Variants in ASXL2 observed in about 807,000 individuals in gnomAD.
ASXL2 encodes the protein putative Polycomb group protein ASXL2.
A neutral mutation model predicts 122.0 loss-of-function variants in ASXL2; 23 were observed. The ratio of observed to expected loss-of-function variants is 0.19; its 90% CI spans 0.14 to 0.27. ASXL2 has a LOEUF of 0.27. Ranked by LOEUF, ASXL2 falls within the 10% of genes least tolerant of loss-of-function variation. The pLI is 1.00. For missense variants in ASXL2, 1,518 were observed against 1,713.8 expected (o/e 0.89, Z 2.02); for synonymous variants, 650 against 637.0 (o/e 1.02, Z -0.31).
chr2:25,843,701 C>T (rs13422139), intron 2 of ASXL2, among the ~76,000 whole-genome samples: 1 of 150,992 alleles, frequency 6.6e-6, no homozygotes, highest in Admixed American at 6.6e-5. Flanking sequence ...CTTCAGGAGG[C>T]AGAGATGAGA....
rs1009212266 is a variant in ASXL2 at position 25,744,534 on chromosome 2, C to T, written c.1861-58G>A. The stretch of plus-strand genomic sequence containing the variant: ...GCTTAGTTTTCATTTGTAAGAATAA[C>T]AAAACTTCATTAGCCCTCACATTTT... On this transcript the variant is annotated intron_variant, in intron 12 of 12. Transcript: ENST00000435504. The surrounding 1 kb of genome is among the most constrained non-coding windows in gnomAD (Gnocchi z 4.7). 2.4e-5 allele frequency: 37 copies of T among 1,513,052 alleles called. 1 individual carries two copies. The Admixed American group carries it at 7.9e-4, about 32-fold the overall frequency. 93.7% of individuals were successfully genotyped at this position (1,513,052 alleles called of 1,614,324 possible). A position where few individuals can be genotyped will look rare whatever the true frequency, so the allele number is the denominator to read the frequency against.
intron 1 of ASXL2, among the ~76,000 whole-genome samples, chr2:25,869,626 A>G (rs1427535653): frequency 1.5e-4 from 23 of 152,012 alleles, no homozygotes. Flanking sequence ...GTTCGAGACC[A>G]GCCTGACCAA....
chr2:25,859,200 C>A lies in ASXL2; in HGVS notation c.58-13637G>T, dbSNP rs2089817878. ...AAGTTGATTCTCCTAACCTAGCCTC[C>A]CAAGTAGCTGGGACTGCAGGCACAC... On this transcript the variant is annotated intron_variant, in intron 1 of 12. Coordinates refer to ENST00000435504, the MANE Select transcript of ASXL2 (RefSeq NM_018263.6). Among the ~76,000 whole-genome samples, 8 of 152,128 alleles carry A rather than the reference C, an allele frequency of 5.3e-5. No individual in the cohort carries two copies. The South Asian group carries it at 1.7e-3, about 32-fold the overall frequency.
At chr2:25,758,680 G>GTT (rs369670596) in intron 9 of ASXL2, among the ~76,000 whole-genome samples, 6,182 of 133,854 alleles carry the variant, frequency 0.046, 156 homozygotes, top group Middle Eastern at 0.1. Flanking sequence ...TGCTACTTTT[G>GTT]TTTTTTTTTT....
chr2:25,791,745 T>G (rs114479084), intron 5 of ASXL2, among the ~76,000 whole-genome samples: 1 of 152,294 alleles, frequency 6.6e-6, no homozygotes, highest in East Asian at 1.9e-4. Context: ...AGAACTTTTA[T>G]AGCTAATACT....
rs80157668 is a variant in ASXL2 at position 25,746,279 on chromosome 2, C to T, written c.1861-1803G>A. Among the ~76,000 whole-genome samples, 18 of 152,116 alleles carry T rather than the reference C, an allele frequency of 1.2e-4. No homozygotes were observed. The East Asian group carries it at 2.7e-3, about 23-fold the overall frequency. On this transcript the variant is annotated intron_variant, in intron 12 of 12. Coordinates refer to ENST00000435504, the MANE Select transcript of ASXL2 (RefSeq NM_018263.6). ...TCCTCAAAAACTGATTCTCTAATTC[C>T]GAAGTTAGAGCCATGGGACTTCATA...
At chr2:25,746,507 A>G (rs1400403687) in intron 12 of ASXL2, among the ~76,000 whole-genome samples, 3 of 15,556 alleles carry the variant, frequency 1.9e-4, no homozygotes, top group African/African-American at 5.2e-4. Context: ...GGAAAAAATG[A>G]AAAAAAAAAA....
chr2:25,742,756 G>A lies in ASXL2; in HGVS notation c.3581C>T (p.Thr1194Ile). The change falls in exon 13 of 13, where the codon ACA becomes ATA. Residue 1194 changes from threonine to isoleucine, a missense_variant. Around this residue, in one of 8 missense-constraint regions of ASXL2, gnomAD observed 831 missense variants for 833.1 expected, o/e 1.00. Transcript: ENST00000435504. The part of the protein sequence containing the change: ...ESTGDEQESV[T>I]VKEEPQVSQS... Reference sequence around the variant, plus strand: ...GGAAACCTGGGGCTCCTCTTTCACTGTGACAGATTCCTGCTCATCACCAGT... The same window carrying A: ...GGAAACCTGGGGCTCCTCTTTCACTATGACAGATTCCTGCTCATCACCAGT... The A allele has an allele frequency of 5.0e-6, 8 of 1,613,962 alleles. No individual in the cohort carries two copies. The highest frequency in any genetic ancestry group is 6.8e-6 in the Non-Finnish European group (8 of 1,179,890).
intron 4 of ASXL2, among the ~76,000 whole-genome samples, chr2:25,802,450 A>G (rs2089014840): frequency 6.6e-6 from 1 of 152,158 alleles, no homozygotes; most frequent in African/African-American, 2.4e-5. Context: ...TAGCTGTTAT[A>G]ATTTCCTAAG....
intron 1 of ASXL2, among the ~76,000 whole-genome samples, chr2:25,876,310 T>C (rs2090009304): frequency 6.6e-6 from 1 of 152,230 alleles, no homozygotes; most frequent in South Asian, 2.1e-4. Flanking sequence ...GCTAAGTAGA[T>C]GCAGACTAAT....
At chr2:25,836,422 A>C (rs1176980706) in intron 2 of ASXL2, among the ~76,000 whole-genome samples, 1 of 152,216 alleles carries the variant, frequency 6.6e-6, no homozygotes, top group Non-Finnish European at 1.5e-5. Context: ...TTTCTGCTGA[A>C]AAGTAGTAGA....
Position 25,811,174 on chromosome 2 carries a change from GC to G in ASXL2, c.144-4838del, listed in dbSNP as rs373723309. The stretch of plus-strand genomic sequence containing the variant: ...AGGCTGAGGCGGGAAGATCACCTGA[GC>G]CCAGGAAGTTGAGGCTGCAGTGAGC... On this transcript the variant is annotated intron_variant, in intron 3 of 12. Coordinates refer to ENST00000435504, the MANE Select transcript of ASXL2 (RefSeq NM_018263.6). Among the ~76,000 whole-genome samples, 99 of 151,712 alleles carry G rather than the reference GC, an allele frequency of 6.5e-4. 2 individuals carry two copies. In the East Asian group the frequency reaches 0.017, roughly 26 times the overall value.
intron 1 of ASXL2, among the ~76,000 whole-genome samples, chr2:25,874,334 A>T (rs532376631): frequency 1.7e-4 from 26 of 152,240 alleles, no homozygotes; most frequent in African/African-American, 4.3e-4. Context: ...ACAAAAAATT[A>T]AAAAATCAGC....
Position 25,736,541 on chromosome 2 carries a change from T to C in ASXL2, c.*5488A>G, listed in dbSNP as rs547049823. The C allele has an allele frequency of 1.5e-4, 23 of 152,314 alleles. No homozygotes were observed. The highest frequency in any genetic ancestry group is 5.3e-4 in the African/African-American group (22 of 41,568). The allele number at this position is 152,314 out of a possible 1,614,324, so 9.4% of individuals were successfully genotyped here. On this transcript the variant is annotated 3_prime_UTR_variant, in exon 13 of 13. Coordinates refer to ENST00000435504, the MANE Select transcript of ASXL2 (RefSeq NM_018263.6). ...CATTTTCAGCTAAGATCTAGACTGCTGTTCTCTTGGAAGGCTGAATTATCT... is the reference window on the plus strand; with the variant it reads ...CATTTTCAGCTAAGATCTAGACTGCCGTTCTCTTGGAAGGCTGAATTATCT...
intron 5 of ASXL2, among the ~76,000 whole-genome samples, chr2:25,786,801 G>A (rs2088755885): frequency 6.6e-6 from 1 of 151,510 alleles, no homozygotes; most frequent in Non-Finnish European, 1.5e-5. Context: ...GTTGCAGTGA[G>A]CCGAGATCAC....
rs1303077916 is a variant in ASXL2 at position 25,750,063 on chromosome 2, T to C, written c.1493A>G (p.Glu498Gly). Residue 498 changes from glutamate (E) to glycine (G), a missense_variant, in exon 12 of 13, where the codon GAA (glutamate) becomes GGA (glycine). Glu to Gly is a moderately conservative substitution (Grantham distance 98). Coordinates refer to ENST00000435504, the MANE Select transcript of ASXL2 (RefSeq NM_018263.6). ...LLEQKPVTSA[E>G]QESEKNHLTT... ...GAGATGGTTCTTCTCAGATTCCTGT[T>C]CAGCAGAGGTGACTGGCTTCTGCTC... 3.1e-6 allele frequency: 5 copies of C among 1,614,022 alleles called. No homozygotes were observed. In the South Asian group the frequency reaches 5.5e-5, roughly 18 times the overall value.
intron 8 of ASXL2, among the ~76,000 whole-genome samples, chr2:25,761,499 A>G (rs1046170921): frequency 6.6e-6 from 1 of 151,836 alleles, no homozygotes; most frequent in Non-Finnish European, 1.5e-5. Context: ...ACGGTGAAAC[A>G]TCGTCTCTAC....
chr2:25,744,936 CA>C lies in ASXL2; in HGVS notation c.1861-461del, dbSNP rs1445853121. Among the ~76,000 whole-genome samples the C allele has an allele frequency of 7.5e-4, 3 of 3,976 alleles. No individual in the cohort carries two copies. Among genetic ancestry groups the C allele is most frequent in the South Asian group, 8.5e-3 (1 of 118 alleles). 2.6% of individuals were successfully genotyped at this position (3,976 alleles called of 152,430 possible). On this transcript the variant is annotated intron_variant, in intron 12 of 12. Transcript: ENST00000435504. This position sits in a 1 kb window ranked among gnomAD's most constrained non-coding sequence, Gnocchi z 4.7. ...GGAAAATACTTGCTCTTCTCTGTTCCACACACACACACACACACACACACAC... is the reference window on the plus strand; with the variant it reads ...GGAAAATACTTGCTCTTCTCTGTTCCCACACACACACACACACACACACAC...
intron 1 of ASXL2, among the ~76,000 whole-genome samples, chr2:25,848,918 T>TTACTGGG (rs1346229594): frequency 4.0e-5 from 6 of 148,908 alleles, no homozygotes; most frequent in Admixed American, 4.0e-4. Flanking sequence ...TGGTGGCAGG[T>TTACTGGG]GCCTGTAGTC....
Sources: gnomAD v4.1 joint callset for allele counts (sites outside exome capture counted in the v4.1 genomes callset) on GRCh38, gnomAD v4.1.1 for gene constraint, gnomAD v4.1.1 regional missense constraint, Gnocchi (gnomAD v3.1) non-coding constraint, MANE v1.5 for transcripts, NCBI Gene and HGNC (gene_info 2026-07-23, HGNC 2026-07-21) for gene names.